TMEM202: variants seen among roughly 807,000 people sequenced by gnomAD.
TMEM202 encodes transmembrane protein 202.
Under a neutral mutation model 26.1 loss-of-function variants are expected in TMEM202, and 25 were observed. That is an observed-to-expected ratio of 0.96 (90% CI 0.70 to 1.34). The LOEUF (loss-of-function observed/expected upper bound fraction) is 1.34. TMEM202 is among the 40% of genes most tolerant of loss of function. TMEM202 has a pLI of 0.00. For synonymous variants in TMEM202, 122 were observed against 119.0 expected (o/e 1.02, Z -0.16); for missense variants, 301 against 327.7 (o/e 0.92, Z 0.63).
intron 4 of TMEM202, among the ~76,000 whole-genome samples, 179 bp from the exon 5 acceptor site, chr15:72,407,512 A>G (rs978344714): frequency 4.6e-5 from 7 of 152,192 alleles, no homozygotes; most frequent in African/African-American, 1.7e-4. Flanking sequence ...TGTCCTAATC[A>G]GTCTGAGAAA....
At chr15:72,398,528 T>C (rs2063532232) in intron 1 of TMEM202, 121 bp downstream of exon 1, 2 of 1,372,688 alleles carry the variant, frequency 1.5e-6, no homozygotes, top group South Asian at 1.5e-5. Flanking sequence ...TTTTTTTTTT[T>C]AGGAGTAGGG....
intron 2 of TMEM202, among the ~76,000 whole-genome samples, chr15:72,403,579 T>G (rs555015107): frequency 6.6e-6 from 1 of 152,316 alleles, no homozygotes; most frequent in African/African-American, 2.4e-5. Context: ...AAGCAGAGCC[T>G]TTTGTGATTT....
chr15:72,405,753 C>T (rs2063567922), intron 2 of TMEM202, among the ~76,000 whole-genome samples: 1 of 152,022 alleles, frequency 6.6e-6, no homozygotes, highest in Admixed American at 6.6e-5. Flanking sequence ...TTTGAGAGGT[C>T]AAGGCGGGCA....
At chr15:72,407,573 G>A in intron 4 of TMEM202, 118 bp from the exon 5 acceptor site, 1 of 843,008 alleles carries the variant, frequency 1.2e-6, no homozygotes, top group South Asian at 1.6e-5. Flanking sequence ...CACTGGGGGA[G>A]AGAGGGGTTC....
At chr15:72,400,659 A>G (rs954788320) in intron 2 of TMEM202, among the ~76,000 whole-genome samples, 20 of 152,302 alleles carry the variant, frequency 1.3e-4, no homozygotes, top group African/African-American at 4.8e-4. Context: ...CTGTAATCCC[A>G]GTGTTACCAG....
rs187867221 is a variant in TMEM202, at chr15:72,408,237, T to C, written c.*344T>C. 1.5e-3 allele frequency among the ~76,000 whole-genome samples: 234 copies of C among 152,332 alleles called. 1 individual carries two copies. Among genetic ancestry groups the C allele is most frequent in the African/African-American group, 5.5e-3 (228 of 41,572 alleles). On this transcript the variant is annotated 3_prime_UTR_variant, in exon 5 of 5. Coordinates refer to ENST00000341689, the MANE Select transcript of TMEM202 (RefSeq NM_001080462.3). ...CGTGGAGAAGAATGTTAATTACTTC[T>C]GTTTGGAATTTTCTTTATTATGTGT...
Position 72,407,842 on chromosome 15 carries a change from A to G in TMEM202, c.771A>G (p.Glu257=), listed in dbSNP as rs370098117. Residue 257 remains glutamate, a synonymous_variant, in exon 5 of 5, where the codon GAA becomes GAG. Transcript: ENST00000341689. ...ATGAAGGGCCAAGGTCTGAGATGGAATCTCTAAGTGTGAGAGAGAAAAATT... is the reference window on the plus strand; with the variant it reads ...ATGAAGGGCCAAGGTCTGAGATGGAGTCTCTAAGTGTGAGAGAGAAAAATT... The part of the protein sequence containing the change: ...AKDEGPRSEM[E]SLSVREKNLP... 1.2e-6 allele frequency: 2 copies of G among 1,614,100 alleles called. No individual in the cohort carries two copies. The highest frequency in any genetic ancestry group is 1.1e-5 in the South Asian group (1 of 91,080).
intron 2 of TMEM202, among the ~76,000 whole-genome samples, chr15:72,401,250 C>G (rs995392233): frequency 6.6e-6 from 1 of 152,090 alleles, no homozygotes; most frequent in Non-Finnish European, 1.5e-5. Flanking sequence ...TTTAACCAGC[C>G]CCTATTCAAG....
At chr15:72,406,831 T>A in intron 3 of TMEM202, 80 bp downstream of exon 3, 2 of 1,468,998 alleles carry the variant, frequency 1.4e-6, no homozygotes, top group South Asian at 2.5e-5. Flanking sequence ...ACTCTCATAC[T>A]CTTTTTCTTA....
In TMEM202 at chr15:72,407,762, A is replaced by C. The variant is rs764616601; in HGVS notation, c.691A>C (p.Thr231Pro). 4.3e-6 allele frequency: 7 copies of C among 1,614,034 alleles called. No homozygotes were observed. In the Admixed American group the frequency reaches 1.0e-4, roughly 23 times the overall value. Residue 231 changes from threonine (T) to proline (P), a missense_variant, in exon 5 of 5, where the codon ACA becomes CCA. Physicochemically the swap from Thr to Pro is conservative, Grantham distance 38. Transcript: ENST00000341689. ...ACDENVTVIPTERSRLGVGPV... is the reference protein window; with the variant it reads ...ACDENVTVIPPERSRLGVGPV... ...TGATGAAAACGTCACTGTGATTCCA[A>C]CAGAGAGATCAAGGCTGGGGGTTGG...
At chr15:72,404,096 A>T (rs2063560614) in intron 2 of TMEM202, among the ~76,000 whole-genome samples, 1 of 152,186 alleles carries the variant, frequency 6.6e-6, no homozygotes, top group Non-Finnish European at 1.5e-5. Flanking sequence ...AGTGCAAGCT[A>T]AAGAGTGAAC....
rs755983451 is a variant in TMEM202 at position 72,398,787 on chromosome 15, C to T, written c.216C>T (p.Ile72=). Residue 72 remains isoleucine (I), a synonymous_variant, in exon 2 of 5, where the codon ATC becomes ATT. Transcript: ENST00000341689. ...SLCSFSLLML[I]AMSPLNWVQF... ...GTAGTTTTAGCCTCCTAATGCTGAT[C>T]GCCATGTCCCCACTGAACTGGGTAC... The T allele has an allele frequency of 2.7e-5, 43 of 1,614,048 alleles. No individual in the cohort carries two copies. Among genetic ancestry groups the T allele is most frequent in the Middle Eastern group, 1.6e-4 (1 of 6,082 alleles).
intron 2 of TMEM202, among the ~76,000 whole-genome samples, chr15:72,402,042 T>G (rs1372215955): frequency 2.0e-5 from 3 of 152,176 alleles, no homozygotes; most frequent in Non-Finnish European, 4.4e-5. Flanking sequence ...CTTGGCTCAC[T>G]GCAACCTCTC....
In TMEM202 at chr15:72,407,175, T is replaced by C. The variant is rs2063576388; in HGVS notation, c.577T>C (p.Tyr193His). ...CATGGAGTCAGATCTCCTATGGACC[T>C]ATTATCTTAACTGGTGCAGTGACAT... is the stretch of plus-strand genomic sequence containing the variant. Reference protein sequence around the residue: ...DAMESDLLWTYYLNWCSDIFY... With the variant: ...DAMESDLLWTHYLNWCSDIFY... The change falls in exon 4 of 5, where the codon TAT (tyrosine) becomes CAT (histidine). Residue 193 changes from tyrosine to histidine, a missense_variant. Transcript: ENST00000341689. The C allele has an allele frequency of 2.5e-6, 4 of 1,613,560 alleles. No individual in the cohort carries two copies. In the African/African-American group the frequency reaches 5.3e-5, roughly 22 times the overall value.
intron 2 of TMEM202, 122 bp downstream of exon 2, chr15:72,399,030 G>A: frequency 8.4e-7 from 1 of 1,189,072 alleles, no homozygotes; most frequent in Non-Finnish European, 1.2e-6. Flanking sequence ...CCAAGTGCAG[G>A]ATGGATCTTT....
At chr15:72,403,852 G>T (rs577159303) in intron 2 of TMEM202, among the ~76,000 whole-genome samples, 1 of 152,292 alleles carries the variant, frequency 6.6e-6, no homozygotes, top group South Asian at 2.1e-4. Flanking sequence ...GGGAAGGTTA[G>T]ACTCTTCTAT....
chr15:72,398,985 GT>G, intron 2 of TMEM202, 77 bp downstream of exon 2: 1 of 1,526,406 alleles, frequency 6.6e-7, no homozygotes, highest in South Asian at 1.3e-5. Flanking sequence ...GGCCCTTCAT[GT>G]TTCTTCCTCC....
intron 2 of TMEM202, among the ~76,000 whole-genome samples, chr15:72,404,515 G>A (rs1318594329): frequency 6.6e-6 from 1 of 152,138 alleles, no homozygotes; most frequent in African/African-American, 2.4e-5. Context: ...AGGAGGCTGG[G>A]ATCTCAGATA....
chr15:72,401,064 T>A (rs551720221), intron 2 of TMEM202, among the ~76,000 whole-genome samples: 1 of 152,312 alleles, frequency 6.6e-6, no homozygotes, highest in East Asian at 1.9e-4. Context: ...GTGAGGATGA[T>A]CAGAGGTCAC....
Sources: allele counts gnomAD v4.1 joint callset (sites outside exome capture counted in the v4.1 genomes callset), GRCh38; gene constraint gnomAD v4.1.1; transcripts MANE v1.5; gene names NCBI Gene and HGNC (gene_info 2026-07-23, HGNC 2026-07-21).